EYA4: variants seen among roughly 807,000 people sequenced by gnomAD.
The protein encoded by EYA4 is EYA transcriptional coactivator and phosphatase 4.
A neutral mutation model predicts 87.9 loss-of-function variants in EYA4; 31 were observed. The observed-to-expected ratio is 0.35, with a 90% CI of 0.27 to 0.48. EYA4 has a LOEUF of 0.48. Ranked by LOEUF, EYA4 falls within the 20% of genes least tolerant of loss-of-function variation. The pLI is 0.99. For missense variants in EYA4, 678 were observed against 761.4 expected, an observed-to-expected ratio of 0.89 and a Z score of 1.29; for synonymous variants, 263 against 270.6, an observed-to-expected ratio of 0.97 and a Z score of 0.28.
intron 18 of EYA4, 100 bp from the exon 19 acceptor site, chr6:133,525,054 G>C: frequency 6.2e-7 from 1 of 1,613,646 alleles, no homozygotes; most frequent in Non-Finnish European, 8.5e-7. Flanking sequence ...TCCAGATTTG[G>C]CACTAACATA....
chr6:133,292,477 A>C (rs1778564996), intron 2 of EYA4, among the ~76,000 whole-genome samples: 1 of 152,180 alleles, frequency 6.6e-6, no homozygotes, highest in Non-Finnish European at 1.5e-5. Flanking sequence ...GAATTAATTG[A>C]AGGCCTTAGG....
chr6:133,439,155 G>A (rs978704328), intron 3 of EYA4, among the ~76,000 whole-genome samples: 9 of 151,284 alleles, frequency 5.9e-5, no homozygotes, highest in African/African-American at 1.5e-4. Flanking sequence ...GTCTGTTATC[G>A]GGATGTGCTA....
chr6:133,249,579 T>C (rs1774716457), intron 1 of EYA4, among the ~76,000 whole-genome samples: 1 of 152,162 alleles, frequency 6.6e-6, no homozygotes, highest in Non-Finnish European at 1.5e-5. Flanking sequence ...CACTCCCCAC[T>C]CACAACAACT....
At chr6:133,426,300 C>A (rs1167379084) in intron 3 of EYA4, among the ~76,000 whole-genome samples, 1 of 152,102 alleles carries the variant, frequency 6.6e-6, no homozygotes, top group Non-Finnish European at 1.5e-5. Flanking sequence ...ATTTTGGGTG[C>A]TGAATAAATA....
intron 3 of EYA4, among the ~76,000 whole-genome samples, chr6:133,412,886 T>G (rs1036337612): frequency 5.9e-5 from 9 of 152,164 alleles, no homozygotes; most frequent in Non-Finnish European, 1.2e-4. Flanking sequence ...GCTATTTCCA[T>G]ACTCACCACA....
At chr6:133,459,763 A>G (rs897463858) in intron 6 of EYA4, among the ~76,000 whole-genome samples, 1 of 152,100 alleles carries the variant, frequency 6.6e-6, no homozygotes, top group African/African-American at 2.4e-5. Flanking sequence ...TAGAAAAGTA[A>G]TAGTTTATTG....
chr6:133,378,215 G>C lies in EYA4; in HGVS notation c.34-4177G>C, dbSNP rs191269253. ...AATGTAGCATAGGAGAGAATGAAAG[G>C]CTTGATGTGTGGCCTTAAGTTGTAA... On this transcript the variant is annotated intron_variant, in intron 2 of 19. Coordinates refer to ENST00000355286, the MANE Select transcript of EYA4 (RefSeq NM_004100.5). 3.5e-3 allele frequency among the ~76,000 whole-genome samples: 536 copies of C among 152,154 alleles called. 4 individuals are homozygous for C. Among genetic ancestry groups the C allele is most frequent in the African/African-American group, 0.012 (485 of 41,524 alleles).
intron 3 of EYA4, 35 bp downstream of exon 3, chr6:133,382,476 A>T (rs1786306253): frequency 6.9e-7 from 1 of 1,444,212 alleles, no homozygotes; most frequent in African/African-American, 1.4e-5. Context: ...TCCCCTAAGG[A>T]GAATTGCAGT....
intron 2 of EYA4, among the ~76,000 whole-genome samples, chr6:133,292,123 G>T (rs1027074865): frequency 6.6e-6 from 1 of 152,174 alleles, no homozygotes; most frequent in Non-Finnish European, 1.5e-5. Flanking sequence ...CCTTTCCAGA[G>T]TGCTTGTCCA....
chr6:133,432,464 CCTAT>C (rs1791271124), intron 3 of EYA4, among the ~76,000 whole-genome samples: 3 of 151,632 alleles, frequency 2.0e-5, no homozygotes, highest in African/African-American at 7.3e-5. Context: ...GGCCCAAGTT[CCTAT>C]CACTAAGACG....
intron 2 of EYA4, among the ~76,000 whole-genome samples, chr6:133,285,756 T>C (rs1371507658): frequency 2.0e-5 from 3 of 152,174 alleles, no homozygotes; most frequent in Admixed American, 1.3e-4. Context: ...GTCGTTGCAT[T>C]GGGGTTAATC....
At chr6:133,419,866 C>A (rs1458263242) in intron 3 of EYA4, among the ~76,000 whole-genome samples, 1 of 152,162 alleles carries the variant, frequency 6.6e-6, no homozygotes, top group African/African-American at 2.4e-5. Context: ...ACATGGTGGG[C>A]ATTAAAGATA....
In EYA4 at chr6:133,462,448, C is replaced by G; in HGVS notation, c.551C>G (p.Thr184Arg). 1.2e-6 allele frequency: 2 copies of G among 1,614,096 alleles called. No homozygotes were observed. Among genetic ancestry groups the G allele is most frequent in the Non-Finnish European group, 1.7e-6 (2 of 1,179,968 alleles). ...QPAVYTAYSQ[T>R]GQPYSLPTYD... ...GCCGTCTACACAGCCTACTCACAGA[C>G]AGGACAGCCCTACAGCTTGCCCACT... The change falls in exon 8 of 20, where the codon ACA becomes AGA. Residue 184 changes from threonine to arginine, a missense_variant. Transcript: ENST00000355286.
intron 2 of EYA4, among the ~76,000 whole-genome samples, chr6:133,366,825 A>G (rs1784888379): frequency 6.6e-6 from 1 of 152,170 alleles, no homozygotes; most frequent in Non-Finnish European, 1.5e-5. Context: ...CAAAGTAGCA[A>G]TTTAGGGGCT....
At chr6:133,316,412 C>T (rs1780624834) in intron 2 of EYA4, among the ~76,000 whole-genome samples, 2 of 152,150 alleles carry the variant, frequency 1.3e-5, no homozygotes, top group South Asian at 2.1e-4. Context: ...TAGGTTTTAG[C>T]TATTAGCTAA....
intron 2 of EYA4, among the ~76,000 whole-genome samples, chr6:133,295,859 G>T (rs935076765): frequency 6.6e-6 from 1 of 152,080 alleles, no homozygotes; most frequent in African/African-American, 2.4e-5. Flanking sequence ...TGAAAATACT[G>T]CAGTGAAAAA....
rs73555602 is a variant in EYA4, at chr6:133,247,676, A to G, written c.-66+5927A>G. The G allele has an allele frequency of 2.3e-3, 353 of 152,246 alleles. 2 individuals are homozygous for G. The highest frequency in any genetic ancestry group is 8.0e-3 in the African/African-American group (334 of 41,536). 9.4% of individuals were successfully genotyped at this position (152,246 alleles called of 1,614,324 possible). A position where few individuals can be genotyped will look rare whatever the true frequency, so the allele number is the denominator to read the frequency against. ...GTGGTTTTCATTTTTTTATTTACTT[A>G]TATACTCAGCCACGGATCCTTTCAT... On this transcript the variant is annotated intron_variant, in intron 1 of 19. Coordinates refer to ENST00000355286, the MANE Select transcript of EYA4 (RefSeq NM_004100.5).
chr6:133,434,163 G>T (rs1791435935), intron 3 of EYA4, among the ~76,000 whole-genome samples: 1 of 152,184 alleles, frequency 6.6e-6, no homozygotes, highest in Admixed American at 6.5e-5. Context: ...TGCCCTCCCT[G>T]AGAGAGAAAA....
intron 2 of EYA4, among the ~76,000 whole-genome samples, chr6:133,327,239 G>A (rs1175695515): frequency 6.6e-6 from 1 of 152,032 alleles, no homozygotes. Context: ...CCAGGTTCAA[G>A]CAGTCCTCCT....
Sources: gnomAD v4.1 joint callset for allele counts (sites outside exome capture counted in the v4.1 genomes callset) on GRCh38, gnomAD v4.1.1 for gene constraint, MANE v1.5 for transcripts, NCBI Gene and HGNC (gene_info 2026-07-23, HGNC 2026-07-21) for gene names.